The following RAB9A variants were observed in gnomAD, a reference collection of about 807,000 sequenced individuals.
The protein encoded by RAB9A is RAB9A, member RAS oncogene family.
In RAB9A, 1 loss-of-function variant was observed where a neutral mutation model predicts 10.3. The observed-to-expected ratio is 0.10, with a 90% CI of 0.03 to 0.46. The LOEUF (loss-of-function observed/expected upper bound fraction) is 0.46, where lower values mean the gene tolerates loss of function less well. Among genes scored for constraint, RAB9A ranks in the 20% least tolerant of loss-of-function variants. The probability of loss-of-function intolerance (pLI) is 0.96; values close to 1 mark genes in which losing one functional copy is unlikely to be tolerated. For missense variants in RAB9A, 92 were observed against 150.3 expected (o/e 0.61, Z 2.03); for synonymous variants, 39 against 55.2 (o/e 0.71, Z 1.30).
In RAB9A at chrX:13,689,168, G is replaced by A. The variant is rs1001388441; in HGVS notation, c.-236G>A. The A allele has an allele frequency of 2.6e-5, 3 of 113,275 alleles. No individual in the cohort carries two copies. The highest frequency in any genetic ancestry group is 5.6e-5 in the Non-Finnish European group (3 of 53,333). The allele number at this position is 113,275 out of a possible 1,213,427, so 9.3% of individuals were successfully genotyped here. ...CGCTGGACGGGAGCAGCTGGAGCGG[G>A]AGCCTGGCTGCGCTACCGCGGCTGC... is the stretch of plus-strand genomic sequence containing the variant. On this transcript the variant is annotated 5_prime_UTR_variant, in exon 1 of 3. Coordinates refer to ENST00000464506, the MANE Select transcript of RAB9A (RefSeq NM_004251.5).
At chrX:13,707,093 CTATT>C (rs1370288952) in intron 2 of RAB9A, among the ~76,000 whole-genome samples, 1 of 112,150 alleles carries the variant, frequency 8.9e-6, no homozygotes, top group African/African-American at 3.2e-5. Flanking sequence ...TTAAATGTGG[CTATT>C]TATTTAAAAT....
In RAB9A at chrX:13,689,381, G is replaced by C. The variant is rs765444663; in HGVS notation, c.-116+93G>C. On this transcript the variant is annotated intron_variant, in intron 1 of 2. Transcript: ENST00000464506. ...CTCGGGCCTCGGGCAGCTGGGGCGG[G>C]GTGCGGTGCGCGCGGGGCTAGCGCG... The C allele has an allele frequency of 7.1e-5, 8 of 112,573 alleles. 1 individual carries two copies. The East Asian group carries it at 2.0e-3, about 28-fold the overall frequency. 9.3% of individuals were successfully genotyped at this position (112,573 alleles called of 1,213,427 possible).
chrX:13,710,295 T>G lies in RAB9A; in HGVS notation c.*943T>G, dbSNP rs961187063. ...TTTATAACACAAGACACAAGCTGACTTTATCACTCTCAGAAGAAATACTAA... is the reference window on the plus strand; with the variant it reads ...TTTATAACACAAGACACAAGCTGACGTTATCACTCTCAGAAGAAATACTAA... On this transcript the variant is annotated 3_prime_UTR_variant, in exon 3 of 3. Transcript: ENST00000464506. The G allele has an allele frequency of 4.0e-5, 5 of 123,961 alleles. No homozygotes were observed. The highest frequency in any genetic ancestry group is 1.9e-4 in the Admixed American group (2 of 10,645). 10.2% of individuals were successfully genotyped at this position (123,961 alleles called of 1,213,427 possible).
intron 2 of RAB9A, among the ~76,000 whole-genome samples, chrX:13,708,186 TGGTG>T (rs2046205850): frequency 9.1e-6 from 1 of 110,461 alleles, no homozygotes; most frequent in Non-Finnish European, 1.9e-5. Context: ...TAGCAAGGCA[TGGTG>T]GTGTGCACCT....
chrX:13,708,657 C>T, intron 2 of RAB9A, 64 bp from the exon 3 acceptor site: 9 of 994,669 alleles, frequency 9.0e-6, no homozygotes, highest in East Asian at 3.1e-5. Flanking sequence ...TGCTGATATT[C>T]GTAGAATCAT....
intron 2 of RAB9A, among the ~76,000 whole-genome samples, chrX:13,706,587 C>CG (rs1159729251): frequency 1.9e-5 from 2 of 104,053 alleles, no homozygotes; most frequent in Admixed American, 1.1e-4. Context: ...TTAGTAGAGA[C>CG]GGGGTTTCAC....
chrX:13,701,227 C>G (rs1201035758), intron 1 of RAB9A, among the ~76,000 whole-genome samples: 1 of 109,226 alleles, frequency 9.2e-6, no homozygotes, highest in African/African-American at 3.3e-5. Context: ...CCTGCCACTG[C>G]CCCCCGCCCC....
chrX:13,696,669 A>G (rs2046149332), intron 1 of RAB9A, among the ~76,000 whole-genome samples: 1 of 111,852 alleles, frequency 8.9e-6, no homozygotes, highest in African/African-American at 3.3e-5. Context: ...AAGCCATTGG[A>G]TTGGCCATTA....
At chrX:13,698,436 T>C (rs190696949) in intron 1 of RAB9A, among the ~76,000 whole-genome samples, 2 of 111,150 alleles carry the variant, frequency 1.8e-5, no homozygotes, top group East Asian at 5.6e-4. Context: ...GTTTTTCTCC[T>C]CTAGCTGCCT....
Position 13,709,114 on chromosome X carries a change from G to C in RAB9A, c.368G>C (p.Gly123Ala), listed in dbSNP as rs758677563. 3.3e-6 allele frequency: 4 copies of C among 1,211,741 alleles called. No homozygotes were observed. The South Asian group carries it at 7.0e-5, about 21-fold the overall frequency. ...EPESFPFVIL[G>A]NKIDISERQV... ...GAGAGCTTTCCTTTTGTGATTCTGG[G>C]TAACAAGATTGACATAAGCGAACGG... The change falls in exon 3 of 3, where the codon GGT becomes GCT. Residue 123 changes from glycine (G) to alanine (A), a missense_variant. Gly to Ala is a moderately conservative substitution (Grantham distance 60). Coordinates refer to ENST00000464506, the MANE Select transcript of RAB9A (RefSeq NM_004251.5).
intron 1 of RAB9A, among the ~76,000 whole-genome samples, chrX:13,701,950 C>G (rs1256066697): frequency 9.0e-6 from 1 of 111,335 alleles, no homozygotes; most frequent in Non-Finnish European, 1.9e-5. Context: ...CCACCTCACC[C>G]ACAGCCCTTC....
intron 1 of RAB9A, among the ~76,000 whole-genome samples, chrX:13,693,796 A>G (rs137904830): frequency 0.011 from 1,182 of 111,224 alleles, 19 homozygotes; most frequent in African/African-American, 0.037. Flanking sequence ...TGGAAAAAAA[A>G]TGGAGAAGTG....
intron 1 of RAB9A, among the ~76,000 whole-genome samples, chrX:13,693,419 A>G (rs765943306): frequency 1.2e-4 from 13 of 112,044 alleles, no homozygotes; most frequent in African/African-American, 2.6e-4. Flanking sequence ...TGCAATTGGA[A>G]GGCGAGGATG....
At chrX:13,700,843 T>C (rs1200306858) in intron 1 of RAB9A, among the ~76,000 whole-genome samples, 1 of 111,017 alleles carries the variant, frequency 9.0e-6, no homozygotes, top group Non-Finnish European at 1.9e-5. Flanking sequence ...TGATCACAGC[T>C]CACTGCAGCC....
At chrX:13,689,833 G>A (rs2047594886) in intron 1 of RAB9A, among the ~76,000 whole-genome samples, 1 of 112,211 alleles carries the variant, frequency 8.9e-6, no homozygotes, top group African/African-American at 3.2e-5. Context: ...CAGGCGTTTT[G>A]GGGGCATTAT....
chrX:13,707,136 C>T lies in RAB9A; in HGVS notation c.-26-1585C>T, dbSNP rs192394617. Among the ~76,000 whole-genome samples the T allele has an allele frequency of 5.3e-4, 60 of 112,427 alleles. 1 individual carries two copies. The highest frequency in any genetic ancestry group is 4.1e-3 in the Admixed American group (44 of 10,626). On this transcript the variant is annotated intron_variant, in intron 2 of 2. Transcript: ENST00000464506. ...ATAAAATTTAAAATGCGGTTTTTCA[C>T]TTCCATCAGCCTCATGTCAAGTGTT... is the stretch of plus-strand genomic sequence containing the variant.
Position 13,709,250 on chromosome X carries a change from G to A in RAB9A, c.504G>A (p.Ala168=), listed in dbSNP as rs150244283. 1,311 of 1,209,687 alleles carry A rather than the reference G, an allele frequency of 1.1e-3. 1 individual carries two copies. Among genetic ancestry groups the A allele is most frequent in the Non-Finnish European group, 1.4e-3 (1,239 of 895,178 alleles). ...ATGTGGCAGCAGCCTTTGAGGAAGCGGTTCGAAGAGTTCTTGCTACCGAGG... is the reference window on the plus strand; with the variant it reads ...ATGTGGCAGCAGCCTTTGAGGAAGCAGTTCGAAGAGTTCTTGCTACCGAGG... The part of the protein sequence containing the change: ...ATNVAAAFEE[A]VRRVLATEDR... The change falls in exon 3 of 3, where the codon GCG becomes GCA. Residue 168 remains alanine, a synonymous_variant. Coordinates refer to ENST00000464506, the MANE Select transcript of RAB9A (RefSeq NM_004251.5).
At chrX:13,705,549 A>G (rs991266683) in intron 2 of RAB9A, among the ~76,000 whole-genome samples, 2 of 112,074 alleles carry the variant, frequency 1.8e-5, no homozygotes, top group African/African-American at 6.5e-5. Flanking sequence ...AATTTAGTAG[A>G]TATATGCAAC....
intron 1 of RAB9A, among the ~76,000 whole-genome samples, chrX:13,694,499 T>G (rs910477924): frequency 1.8e-5 from 2 of 112,223 alleles, no homozygotes; most frequent in East Asian, 5.6e-4. Context: ...TACTTGATTT[T>G]TATCACAGCA....
Sources: gnomAD v4.1 joint callset for allele counts (sites outside exome capture counted in the v4.1 genomes callset) on GRCh38, gnomAD v4.1.1 for gene constraint, MANE v1.5 for transcripts, NCBI Gene and HGNC (gene_info 2026-07-23, HGNC 2026-07-21) for gene names.